SPAG17: variants seen among roughly 807,000 people sequenced by gnomAD.
SPAG17 encodes the protein sperm-associated antigen 17.
SPAG17 carries 169 observed loss-of-function variants against 273.6 expected under a neutral mutation model. That is an observed-to-expected ratio of 0.62 (90% CI 0.55 to 0.70). The LOEUF (loss-of-function observed/expected upper bound fraction) is 0.70. SPAG17 is among the 30% of genes least tolerant of loss of function. The probability of loss-of-function intolerance (pLI) is 0.00; values close to 1 mark genes in which losing one functional copy is unlikely to be tolerated. For missense variants in SPAG17, 2,557 were observed against 2,627.8 expected (o/e 0.97, Z 0.59); for synonymous variants, 825 against 873.2 (o/e 0.94, Z 0.97).
intron 17 of SPAG17, 54 bp downstream of exon 17, chr1:118,073,800 C>T: frequency 8.4e-7 from 1 of 1,190,700 alleles, no homozygotes; most frequent in Middle Eastern, 1.9e-4. Flanking sequence ...TAAATCACAG[C>T]AGACTCTCCA....
At chr1:118,010,069 T>C (rs909549577) in intron 30 of SPAG17, among the ~76,000 whole-genome samples, 3 of 152,180 alleles carry the variant, frequency 2.0e-5, no homozygotes, top group Admixed American at 2.0e-4. Context: ...AGAATGGTAG[T>C]TACCAGCCAT....
chr1:117,992,258 T>C (rs1557876780), intron 36 of SPAG17, among the ~76,000 whole-genome samples: 1 of 152,174 alleles, frequency 6.6e-6, no homozygotes, highest in Non-Finnish European at 1.5e-5. Context: ...TTTTTCAATG[T>C]CTTTGGGGCT....
chr1:118,004,150 ACTG>A (rs1366506554), intron 32 of SPAG17, among the ~76,000 whole-genome samples: 3 of 152,210 alleles, frequency 2.0e-5, no homozygotes, highest in African/African-American at 7.2e-5. Context: ...ATATTGCAGA[ACTG>A]CAAATATTGC....
chr1:118,148,689 C>G (rs1375440186), intron 3 of SPAG17, among the ~76,000 whole-genome samples: 1 of 152,206 alleles, frequency 6.6e-6, no homozygotes, highest in African/African-American at 2.4e-5. Flanking sequence ...TCACCTCTCA[C>G]TAGTTGGTAC....
intron 32 of SPAG17, 134 bp from the exon 33 acceptor site, chr1:117,996,877 T>C (rs1657718671): frequency 1.1e-6 from 1 of 885,876 alleles, no homozygotes; most frequent in Non-Finnish European, 1.7e-6. Context: ...TGCAAGGTAT[T>C]GTTTACTAAG....
intron 1 of SPAG17, among the ~76,000 whole-genome samples, chr1:118,179,030 C>A (rs1313481142): frequency 6.6e-6 from 1 of 151,814 alleles, no homozygotes; most frequent in Non-Finnish European, 1.5e-5. Context: ...CCATACTATC[C>A]AAAATAATTT....
intron 6 of SPAG17, 97 bp from the exon 7 acceptor site, chr1:118,097,948 G>C (rs1470436130): frequency 1.5e-6 from 1 of 660,242 alleles, no homozygotes; most frequent in East Asian, 3.2e-5. Flanking sequence ...CAAGATATCT[G>C]TACAGTACCA....
chr1:118,101,204 C>T (rs1354088498), intron 5 of SPAG17, among the ~76,000 whole-genome samples: 1 of 152,070 alleles, frequency 6.6e-6, no homozygotes, highest in Non-Finnish European at 1.5e-5. Context: ...CACTTGAGCC[C>T]AGGTGTTCAA....
chr1:118,098,308 G>C (rs1308295881), intron 6 of SPAG17, among the ~76,000 whole-genome samples: 2 of 152,040 alleles, frequency 1.3e-5, no homozygotes, highest in East Asian at 3.9e-4. Context: ...GTATGTTTCA[G>C]TTACCTTTTG....
chr1:117,991,572 G>T, intron 36 of SPAG17, 44 bp from the exon 37 acceptor site: 1 of 1,219,290 alleles, frequency 8.2e-7, no homozygotes, highest in Non-Finnish European at 1.2e-6. Flanking sequence ...CTAGGAATTA[G>T]GAAGAGAGAG....
chr1:118,162,313 G>T (rs958917475), intron 1 of SPAG17, among the ~76,000 whole-genome samples: 1 of 152,136 alleles, frequency 6.6e-6, no homozygotes, highest in Non-Finnish European at 1.5e-5. Context: ...AAACCTGATT[G>T]TTAGTCCTGA....
Position 117,994,459 on chromosome 1 carries a change from T to A in SPAG17, c.5125A>T (p.Ile1709Phe), listed in dbSNP as rs746305012. 1 of 1,612,960 alleles carries A rather than the reference T, an allele frequency of 6.2e-7. No homozygotes were observed. Among genetic ancestry groups the A allele is most frequent in the East Asian group, 2.2e-5 (1 of 44,838 alleles). ...SPWQVKKEDT[I>F]VPPNLRSRSW... ...CTTGACCGGAGATTAGGAGGGACAA[T>A]TGTATCTTCCTTTTTTACTTGCCAT... Residue 1709 changes from isoleucine to phenylalanine, a missense_variant, in exon 35 of 49, where the codon ATT becomes TTT. By Grantham distance (21) the Ile-to-Phe change is conservative (BLOSUM62 0). Transcript: ENST00000336338.
chr1:118,010,530 C>A (rs1452309641), intron 30 of SPAG17, among the ~76,000 whole-genome samples: 1 of 152,150 alleles, frequency 6.6e-6, no homozygotes, highest in South Asian at 2.1e-4. Flanking sequence ...ATTGAAACTG[C>A]ACCCCTTCCT....
At chr1:118,115,539 T>C (rs1049492584) in intron 3 of SPAG17, 98 bp from the exon 4 acceptor site, 2 of 1,252,260 alleles carry the variant, frequency 1.6e-6, no homozygotes, top group Non-Finnish European at 2.2e-6. Context: ...ATATTATTTG[T>C]CATACTGGAA....
chr1:117,978,231 T>C (rs969889421), intron 43 of SPAG17, among the ~76,000 whole-genome samples: 1 of 152,216 alleles, frequency 6.6e-6, no homozygotes, highest in Non-Finnish European at 1.5e-5. Context: ...TCTATCATTA[T>C]ATCCACTCCT....
At chr1:118,015,735 C>T (rs1659894369) in intron 29 of SPAG17, among the ~76,000 whole-genome samples, 1 of 152,064 alleles carries the variant, frequency 6.6e-6, no homozygotes, top group Non-Finnish European at 1.5e-5. Context: ...TGGTTGTGCC[C>T]ACAACACACA....
chr1:118,063,032 G>A (rs569168801), intron 18 of SPAG17, among the ~76,000 whole-genome samples: 1 of 152,282 alleles, frequency 6.6e-6, no homozygotes, highest in East Asian at 1.9e-4. Flanking sequence ...AATTAGAAAT[G>A]TGAAGGACCT....
At chr1:118,028,778 C>T (rs937465345) in intron 25 of SPAG17, among the ~76,000 whole-genome samples, 1 of 152,130 alleles carries the variant, frequency 6.6e-6, no homozygotes, top group South Asian at 2.1e-4. Flanking sequence ...CATCCAAACT[C>T]GTATGTTGGA....
In SPAG17 at chr1:118,086,915, C is replaced by T; in HGVS notation, c.1453G>A (p.Val485Met). ...GLDHRIAAHIVSLLPSLCLSE... is the reference protein window; with the variant it reads ...GLDHRIAAHIMSLLPSLCLSE... ...AGACAGAGTGAGGGCAGAAGGGACA[C>T]AATGTGAGCTGCGATTCTGTGGTCT... Residue 485 changes from valine to methionine, a missense_variant, in exon 11 of 49, where the codon GTG (valine) becomes ATG (methionine). Coordinates refer to ENST00000336338, the MANE Select transcript of SPAG17 (RefSeq NM_206996.4). The T allele has an allele frequency of 6.2e-7, 1 of 1,613,014 alleles. No homozygotes were observed. Among genetic ancestry groups the T allele is most frequent in the Non-Finnish European group, 8.5e-7 (1 of 1,179,726 alleles).
Sources: allele counts gnomAD v4.1 joint callset (sites outside exome capture counted in the v4.1 genomes callset), GRCh38; gene constraint gnomAD v4.1.1; transcripts MANE v1.5; gene names NCBI Gene and HGNC (gene_info 2026-07-23, HGNC 2026-07-21).